Variants in PHLDB3 observed in about 807,000 individuals in gnomAD.
The protein encoded by PHLDB3 is pleckstrin homology like domain family B member 3, also known as pleckstrin homology-like domain family B member 3.
In PHLDB3, 86 loss-of-function variants were observed where a neutral mutation model predicts 85.7. The ratio of observed to expected loss-of-function variants is 1.00; its 90% confidence interval spans 0.84 to 1.20. The LOEUF (loss-of-function observed/expected upper bound fraction) is 1.20, where lower values mean the gene tolerates loss of function less well. Among genes scored for constraint, PHLDB3 ranks in the 50% most tolerant of loss-of-function variants. The pLI is 0.00. For missense variants in PHLDB3, 995 were observed against 873.0 expected (o/e 1.14, Z -1.76); for synonymous variants, 376 against 349.8 (o/e 1.07, Z -0.83).
rs1389266967 is a variant in PHLDB3 at position 43,492,593 on chromosome 19, C to T, written c.1149+2109G>A. Among the ~76,000 whole-genome samples, 7 of 147,484 alleles carry T rather than the reference C, an allele frequency of 4.7e-5. No individual in the cohort carries two copies. In the Admixed American group the frequency reaches 4.9e-4, roughly 10 times the overall value. ...GGGAGGCAGATCGTGTCACTGCACT[C>T]TGGCCTGGGTGACAGAGCCAGACCC... is the stretch of plus-strand genomic sequence containing the variant. On this transcript the variant is annotated intron_variant, in intron 9 of 15. Coordinates refer to ENST00000292140, the MANE Select transcript of PHLDB3 (RefSeq NM_198850.4).
At chr19:43,476,947 C>T (rs1970939549) in intron 15 of PHLDB3, among the ~76,000 whole-genome samples, 1 of 152,014 alleles carries the variant, frequency 6.6e-6, no homozygotes, top group Admixed American at 6.6e-5. Flanking sequence ...ACAACCATCT[C>T]CTTTATTTAT....
At chr19:43,500,011 G>A (rs1453309717) in intron 4 of PHLDB3, among the ~76,000 whole-genome samples, 4 of 152,062 alleles carry the variant, frequency 2.6e-5, no homozygotes, top group East Asian at 1.9e-4. Context: ...AGGCCAAGGC[G>A]GGCAGATCAC....
intron 13 of PHLDB3, 102 bp downstream of exon 13, chr19:43,486,163 GT>G (rs1971149779): frequency 7.1e-7 from 1 of 1,404,550 alleles, no homozygotes; most frequent in Non-Finnish European, 9.3e-7. Context: ...ACAATTTTCT[GT>G]TCAATTGGAG....
chr19:43,500,909 A>T (rs2682554), intron 4 of PHLDB3, among the ~76,000 whole-genome samples: 7 of 17,150 alleles, frequency 4.1e-4, no homozygotes, highest in Non-Finnish European at 7.9e-4. Context: ...CGCCCCCCGT[A>T]CCCCCCCCCC....
chr19:43,475,394 A>G lies in PHLDB3; in HGVS notation c.*16T>C, dbSNP rs369300575. ...CGGAGCCTCGAAGGGACTTCCCCCC[A>G]AGAGGGCGGGGCCACTCAGGGGGCG... On this transcript the variant is annotated 3_prime_UTR_variant, in exon 16 of 16. Transcript: ENST00000292140. 64 of 1,612,464 alleles carry G rather than the reference A, an allele frequency of 4.0e-5. No homozygotes were observed. In the Middle Eastern group the frequency reaches 4.9e-4, roughly 12 times the overall value.
At position 43,495,618 on chromosome 19, in the gene PHLDB3, C is replaced by G. The variant is rs1461156344; in HGVS notation, c.828G>C (p.Arg276Ser). ...ELQASMAQHR[R>S]GALQHRIRVL... ...CCCGGATCCGGTGCTGCAGAGCACC[C>G]CTCTGTCCCGGTTACTCATCTGTCA... is the stretch of plus-strand genomic sequence containing the variant. Residue 276 changes from arginine (R) to serine (S), a missense_variant and splice_region_variant, in exon 7 of 16, where the codon AGG becomes AGC. Physicochemically the swap from Arg to Ser is moderately radical, Grantham distance 110 (BLOSUM62 -1). Transcript: ENST00000292140. The G allele has an allele frequency of 3.1e-6, 5 of 1,607,798 alleles. No individual in the cohort carries two copies. The highest frequency in any genetic ancestry group is 1.1e-5 in the South Asian group (1 of 89,784).
At chr19:43,478,166 T>G (rs753015389) in intron 14 of PHLDB3, 34 bp from the exon 15 acceptor site, 19 of 1,536,016 alleles carry the variant, frequency 1.2e-5, no homozygotes, top group Non-Finnish European at 1.7e-5. Context: ...AGAGAGCCAG[T>G]GAGAAAGGTG....
chr19:43,504,286 A>G, intron 1 of PHLDB3, 154 bp from the exon 2 acceptor site: 1 of 715,438 alleles, frequency 1.4e-6, no homozygotes, highest in Non-Finnish European at 2.2e-6. Context: ...CGTGTCCTGA[A>G]GTTTCCAGAG....
Position 43,501,749 on chromosome 19 carries a change from G to A in PHLDB3, c.519C>T (p.Arg173=), listed in dbSNP as rs1272963958. The A allele has an allele frequency of 1.3e-6, 2 of 1,583,758 alleles. No homozygotes were observed. Among genetic ancestry groups the A allele is most frequent in the African/African-American group, 1.3e-5 (1 of 74,382 alleles). The change falls in exon 4 of 16, where the codon CGC becomes CGT. Residue 173 remains arginine, a synonymous_variant. Transcript: ENST00000292140. ...CCAAACAGACCTGTTCCCGCTGCTG[G>A]CGGCCGCGCTGCTCCGAGGCCGCCT... ...EQQAASEQRG[R]QQREQEQRRL...
At position 43,485,627 on chromosome 19, in the gene PHLDB3, G is replaced by A. The variant is rs185784673; in HGVS notation, c.1485+639C>T. 3.5e-4 allele frequency among the ~76,000 whole-genome samples: 52 copies of A among 148,742 alleles called. No homozygotes were observed. The South Asian group carries it at 4.5e-3, about 13-fold the overall frequency. Reference sequence around the variant, plus strand: ...GGCTGGAGTGTAGTGGTACAATCTCGGCTCACTGCAACCTCCACCTGCGGG... The same window carrying A: ...GGCTGGAGTGTAGTGGTACAATCTCAGCTCACTGCAACCTCCACCTGCGGG... On this transcript the variant is annotated intron_variant, in intron 13 of 15. Coordinates refer to ENST00000292140, the MANE Select transcript of PHLDB3 (RefSeq NM_198850.4).
Position 43,502,293 on chromosome 19 carries a change from A to AGG in PHLDB3, c.214-12_214-11dup. The AGG allele has an allele frequency of 1.9e-6, 3 of 1,548,222 alleles. No individual in the cohort carries two copies. The highest frequency in any genetic ancestry group is 2.6e-6 in the Non-Finnish European group (3 of 1,151,830). ...GAGGCGTAGCCTCGGGCTGAAGTTGAGGGGGGCGTGGTTAAGTGGAGATGC... is the reference window on the plus strand; with the variant it reads ...GAGGCGTAGCCTCGGGCTGAAGTTGAGGGGGGGGCGTGGTTAAGTGGAGATGC... On this transcript the variant is annotated splice_polypyrimidine_tract_variant and intron_variant, in intron 2 of 15. Coordinates refer to ENST00000292140, the MANE Select transcript of PHLDB3 (RefSeq NM_198850.4).
rs17724939 is a variant in PHLDB3, at chr19:43,477,174, T to C, written c.1788+873A>G. 1.9e-3 allele frequency among the ~76,000 whole-genome samples: 284 copies of C among 152,284 alleles called. 2 individuals carry two copies. In the East Asian group the frequency reaches 0.048, roughly 26 times the overall value. The stretch of plus-strand genomic sequence containing the variant: ...GACCTCTCCATTCATTTATTCCCAG[T>C]TGGACATCAGAGTCTGCCATATTTT... On this transcript the variant is annotated intron_variant, in intron 15 of 15. Coordinates refer to ENST00000292140, the MANE Select transcript of PHLDB3 (RefSeq NM_198850.4).
At chr19:43,478,191 G>C in intron 14 of PHLDB3, 59 bp from the exon 15 acceptor site, 1 of 1,355,006 alleles carries the variant, frequency 7.4e-7, no homozygotes, top group East Asian at 2.3e-5. Context: ...TGTGTGTGTC[G>C]AGGTGAGGGT....
rs530016086 is a variant in PHLDB3, at chr19:43,485,822, T to A, written c.1485+444A>T. The A allele has an allele frequency of 2.0e-5, 7 of 356,860 alleles. No homozygotes were observed. In the East Asian group the frequency reaches 1.2e-3, roughly 59 times the overall value. 22.1% of individuals were successfully genotyped at this position (356,860 alleles called of 1,614,324 possible). A position where few individuals can be genotyped will look rare whatever the true frequency, so the allele number is the denominator to read the frequency against. ...CCTTGGCCTCCCAAAGTGCTGGGAT[T>A]ACAGGCATGAGCCACTGCACCCAGC... On this transcript the variant is annotated intron_variant, in intron 13 of 15. Transcript: ENST00000292140.
intron 4 of PHLDB3, among the ~76,000 whole-genome samples, chr19:43,500,420 G>A (rs1274140082): frequency 1.3e-5 from 2 of 152,136 alleles, no homozygotes; most frequent in East Asian, 3.9e-4. Context: ...GATCAGCCAT[G>A]CTCTGCCTAT....
Position 43,502,251 on chromosome 19 carries a change from G to T in PHLDB3, c.246C>A (p.Ala82=). The stretch of plus-strand genomic sequence containing the variant: ...GCGAAGAGGTGGATGCGGGAGGTGT[G>T]GCCGCCATAGCTATCGGAGGCGTAG... ...PEATPPIAMA[A]TPPASTSSRE... is the part of the protein sequence containing the mutation. Residue 82 remains alanine, a synonymous_variant, in exon 3 of 16, where the codon GCC becomes GCA. Coordinates refer to ENST00000292140, the MANE Select transcript of PHLDB3 (RefSeq NM_198850.4). The T allele has an allele frequency of 6.4e-7, 1 of 1,564,246 alleles. No homozygotes were observed. Among genetic ancestry groups the T allele is most frequent in the East Asian group, 2.4e-5 (1 of 42,096 alleles).
At position 43,495,240 on chromosome 19, in the gene PHLDB3, T is replaced by A; in HGVS notation, c.1035+16A>T. On this transcript the variant is annotated intron_variant, in intron 8 of 15. Coordinates refer to ENST00000292140, the MANE Select transcript of PHLDB3 (RefSeq NM_198850.4). ...CTGAGGGAGGAGGGACTGAGAGGCA[T>A]ACAAAATCCCCATACCTTAGTGAGG... 4 of 1,611,282 alleles carry A rather than the reference T, an allele frequency of 2.5e-6. No individual in the cohort carries two copies. Among genetic ancestry groups the A allele is most frequent in the Non-Finnish European group, 3.4e-6 (4 of 1,178,184 alleles).
At position 43,486,793 on chromosome 19, in the gene PHLDB3, C is replaced by T; in HGVS notation, c.1327G>A (p.Gly443Ser). 6.2e-7 allele frequency: 1 copy of T among 1,600,090 alleles called. No homozygotes were observed. Among genetic ancestry groups the T allele is most frequent in the East Asian group, 2.2e-5 (1 of 44,734 alleles). ...CTGATGTCTCACCTATTCCCACGGCCACAGTTCAGCAGCTGGTAGAGGGGG... is the reference window on the plus strand; with the variant it reads ...CTGATGTCTCACCTATTCCCACGGCTACAGTTCAGCAGCTGGTAGAGGGGG... Reference protein sequence around the residue: ...RYPLYQLLNCGRGNSCGAIHP... With the variant: ...RYPLYQLLNCSRGNSCGAIHP... Residue 443 changes from glycine (G) to serine (S), a missense_variant, in exon 11 of 16, where the codon GGC becomes AGC. Physicochemically the swap from Gly to Ser is moderately conservative, Grantham distance 56 (BLOSUM62 0). Transcript: ENST00000292140.
rs1286566229 is a variant in PHLDB3 at position 43,494,817 on chromosome 19, T to G, written c.1036-2A>C. 1 of 1,608,498 alleles carries G rather than the reference T, an allele frequency of 6.2e-7. No homozygotes were observed. Among genetic ancestry groups the G allele is most frequent in the South Asian group, 1.1e-5 (1 of 89,964 alleles). On this transcript the variant is annotated splice_acceptor_variant, in intron 8 of 15. Coordinates refer to ENST00000292140, the MANE Select transcript of PHLDB3 (RefSeq NM_198850.4). LOFTEE classifies it high-confidence loss of function. ...GTCTGTCTTCTGGGTGAACAGCAGCTGCAAGAGATGGGGTGAAGTTTCGTG... is the reference window on the plus strand; with the variant it reads ...GTCTGTCTTCTGGGTGAACAGCAGCGGCAAGAGATGGGGTGAAGTTTCGTG...
Sources: gnomAD v4.1 joint callset for allele counts (sites outside exome capture counted in the v4.1 genomes callset) on GRCh38, gnomAD v4.1.1 for gene constraint, MANE v1.5 for transcripts, NCBI Gene and HGNC (gene_info 2026-07-23, HGNC 2026-07-21) for gene names.